Variants in TMEM268 observed in about 807,000 individuals in gnomAD.
TMEM268 encodes transmembrane protein 268, also known as transmembrane protein C9orf91.
TMEM268 carries 24 observed loss-of-function variants against 39.1 expected under a neutral mutation model. The observed-to-expected ratio is 0.61, with a 90% CI of 0.44 to 0.86. The LOEUF is 0.86. Among genes scored for constraint, TMEM268 ranks in the 40% least tolerant of loss-of-function variants. The pLI, the probability that TMEM268 is intolerant of heterozygous loss-of-function variation, is 0.00. For missense variants in TMEM268, 409 were observed against 428.6 expected, an observed-to-expected ratio of 0.95 and a Z score of 0.40; for synonymous variants, 176 against 173.5, an observed-to-expected ratio of 1.01 and a Z score of -0.12.
Position 114,617,311 on chromosome 9 carries a change from T to G in TMEM268, c.106+10T>G. 6.3e-7 allele frequency: 1 copy of G among 1,598,280 alleles called. No individual in the cohort carries two copies. Among genetic ancestry groups the G allele is most frequent in the East Asian group, 2.2e-5 (1 of 44,706 alleles). On this transcript the variant is annotated intron_variant, in intron 2 of 8. Transcript: ENST00000288502. Reference sequence around the variant, plus strand: ...CCTGGCTGGGGGCAAGGTAAGATCATGACCTTTCATTTTCCACCTTCTTTC... The same window carrying G: ...CCTGGCTGGGGGCAAGGTAAGATCAGGACCTTTCATTTTCCACCTTCTTTC...
chr9:114,634,444 C>G (rs1051072258), intron 6 of TMEM268, among the ~76,000 whole-genome samples: 3 of 152,170 alleles, frequency 2.0e-5, no homozygotes, highest in Non-Finnish European at 4.4e-5. Flanking sequence ...GCCTTGTTTG[C>G]CTGGCTTGGT....
chr9:114,644,562 G>A lies in TMEM268; in HGVS notation c.*1249G>A, dbSNP rs1050522441. 1 of 151,830 alleles carries A rather than the reference G, an allele frequency of 6.6e-6. No homozygotes were observed. Among genetic ancestry groups the A allele is most frequent in the Non-Finnish European group, 1.5e-5 (1 of 67,972 alleles). 9.4% of individuals were successfully genotyped at this position (151,830 alleles called of 1,614,324 possible). A position where few individuals can be genotyped will look rare whatever the true frequency, so the allele number is the denominator to read the frequency against. The stretch of plus-strand genomic sequence containing the variant: ...TCCTTAAGGACAGAGACTACACCTT[G>A]TACTTTTTGTGCATGACCTGGACCT... On this transcript the variant is annotated 3_prime_UTR_variant, in exon 9 of 9. Coordinates refer to ENST00000288502, the MANE Select transcript of TMEM268 (RefSeq NM_153045.4).
At chr9:114,637,383 C>G (rs777409433) in intron 7 of TMEM268, among the ~76,000 whole-genome samples, 1 of 149,066 alleles carries the variant, frequency 6.7e-6, no homozygotes, top group African/African-American at 2.5e-5. Context: ...GCCTTCGCTT[C>G]GTGGGTTCAA....
upstream of TMEM268, among the ~76,000 whole-genome samples, chr9:114,609,622 C>T (rs559818049): frequency 3.4e-5 from 5 of 145,542 alleles, no homozygotes; most frequent in East Asian, 6.4e-4. Flanking sequence ...GAGGAGAGGC[C>T]GAGGCTGCAG....
intron 5 of TMEM268, among the ~76,000 whole-genome samples, chr9:114,631,290 A>AGAAAAAAAAAAAAG (rs1389378957): frequency 4.2e-5 from 1 of 23,862 alleles, no homozygotes; most frequent in African/African-American, 1.2e-4. Flanking sequence ...CTCAAAAAAA[A>AGAAAAAAAAAAAAG]AAAAAAAAAA....
chr9:114,628,419 T>G (rs952511362), intron 5 of TMEM268, among the ~76,000 whole-genome samples, 169 bp downstream of exon 5: 1 of 152,262 alleles, frequency 6.6e-6, no homozygotes, highest in Non-Finnish European at 1.5e-5. Flanking sequence ...GTGATTGTTC[T>G]CTCTGCTTTT....
At chr9:114,632,606 C>A (rs1013270608) in intron 5 of TMEM268, among the ~76,000 whole-genome samples, 1 of 152,162 alleles carries the variant, frequency 6.6e-6, no homozygotes, top group South Asian at 2.1e-4. Context: ...ATTCCCAGAG[C>A]CCCACCTGAG....
rs181845063 is a variant in TMEM268 at position 114,636,817 on chromosome 9, C to T, written c.586-173C>T. Among the ~76,000 whole-genome samples, 287 of 152,196 alleles carry T rather than the reference C, an allele frequency of 1.9e-3. 2 individuals carry two copies. Among genetic ancestry groups the T allele is most frequent in the African/African-American group, 6.6e-3 (274 of 41,524 alleles). On this transcript the variant is annotated intron_variant, in intron 6 of 8. Transcript: ENST00000288502. ...CATCTGGCCTAGGGTTTGACCTTTT[C>T]TAAACGTGCACACAAAGCCATTTTT...
intron 2 of TMEM268, among the ~76,000 whole-genome samples, chr9:114,623,555 T>G (rs768749680): frequency 2.6e-5 from 4 of 151,774 alleles, no homozygotes; most frequent in Non-Finnish European, 5.9e-5. Flanking sequence ...CTGGGGAGAA[T>G]CCATTTCCTT....
chr9:114,632,593 C>T (rs1207317161), intron 5 of TMEM268, among the ~76,000 whole-genome samples: 1 of 152,148 alleles, frequency 6.6e-6, no homozygotes, highest in African/African-American at 2.4e-5. Context: ...GAGCAGGAGG[C>T]TGATTCCCAG....
At chr9:114,611,590 C>T (rs1192482554) in intron 1 of TMEM268, 26 bp downstream of exon 1, 3 of 156,000 alleles carry the variant, frequency 1.9e-5, no homozygotes, top group Non-Finnish European at 4.2e-5. Flanking sequence ...CCCGGGCGCG[C>T]GCCCGTGTCC....
intron 3 of TMEM268, among the ~76,000 whole-genome samples, chr9:114,625,689 C>T (rs1371272877): frequency 2.0e-5 from 3 of 151,566 alleles, no homozygotes; most frequent in Admixed American, 1.3e-4. Context: ...GTGATCCACC[C>T]GCCTCGGCCT....
chr9:114,634,988 A>C (rs891828612), intron 6 of TMEM268, among the ~76,000 whole-genome samples: 2 of 152,066 alleles, frequency 1.3e-5, no homozygotes, highest in African/African-American at 4.8e-5. Flanking sequence ...AATCTCCTTT[A>C]TCCGTTGGCA....
At chr9:114,605,875 G>C in the TMEM268 span, among the ~76,000 whole-genome samples, 2 of 152,016 alleles carry the variant, frequency 1.3e-5, no homozygotes, top group African/African-American at 4.8e-5. Context: ...AGGTTGCAGT[G>C]AGCCAAGATT....
intron 2 of TMEM268, among the ~76,000 whole-genome samples, chr9:114,621,356 A>AG (rs1334241622): frequency 6.6e-6 from 1 of 151,574 alleles, no homozygotes; most frequent in Non-Finnish European, 1.5e-5. Flanking sequence ...AAAAAAAAAA[A>AG]AAAGAAAAAG....
At chr9:114,606,473 A>G (rs1468255170), upstream of TMEM268, among the ~76,000 whole-genome samples, 2 of 152,232 alleles carry the variant, frequency 1.3e-5, no homozygotes, top group East Asian at 1.9e-4. Flanking sequence ...GCTGAAATCA[A>G]TGTAATGGAG....
chr9:114,627,215 G>A (rs1398239052), intron 4 of TMEM268, among the ~76,000 whole-genome samples: 1 of 152,156 alleles, frequency 6.6e-6, no homozygotes, highest in Admixed American at 6.5e-5. Context: ...TTGCATAAAG[G>A]ATGGGAGTCA....
chr9:114,626,837 C>T, intron 3 of TMEM268, 62 bp from the exon 4 acceptor site: 1 of 1,251,810 alleles, frequency 8.0e-7, no homozygotes. Context: ...ACATGATAGT[C>T]ACATGCACTG....
chr9:114,612,518 T>C (rs1845542602), intron 1 of TMEM268, among the ~76,000 whole-genome samples: 1 of 152,232 alleles, frequency 6.6e-6, no homozygotes, highest in Non-Finnish European at 1.5e-5. Flanking sequence ...TCAGGACATA[T>C]GATAGGCATC....
Sources: gnomAD v4.1 joint callset for allele counts (sites outside exome capture counted in the v4.1 genomes callset) on GRCh38, gnomAD v4.1.1 for gene constraint, MANE v1.5 for transcripts, NCBI Gene and HGNC (gene_info 2026-07-23, HGNC 2026-07-21) for gene names.